The following LINGO2 variants were observed in gnomAD, a reference collection of about 807,000 sequenced individuals.
LINGO2 encodes leucine rich repeat and Ig domain containing 2.
A neutral mutation model predicts 30.6 loss-of-function variants in LINGO2; 14 were observed. That is an observed-to-expected ratio of 0.46 (90% CI 0.30 to 0.72). LINGO2 has a LOEUF of 0.72. Ranked by LOEUF, LINGO2 falls within the 30% of genes least tolerant of loss-of-function variation. The pLI is 0.07. For synonymous variants in LINGO2, 317 were observed against 288.5 expected (o/e 1.10, Z -1.00); for missense variants, 729 against 751.7 (o/e 0.97, Z 0.35).
intron 3 of LINGO2, among the ~76,000 whole-genome samples, chr9:28,351,486 G>A (rs560485792): frequency 1.7e-3 from 261 of 151,280 alleles, no homozygotes; most frequent in African/African-American, 6.0e-3. Flanking sequence ...AATAACAGGA[G>A]CTGAAATTGT....
At chr9:28,848,112 ACAC>A in the LINGO2 span, among the ~76,000 whole-genome samples, 3 of 59,488 alleles carry the variant, frequency 5.0e-5, no homozygotes, top group South Asian at 4.8e-4. Flanking sequence ...GTATATATAC[ACAC>A]TATATATACA....
At chr9:28,890,184 GT>G in the LINGO2 span, among the ~76,000 whole-genome samples, 4 of 108,858 alleles carry the variant, frequency 3.7e-5, no homozygotes, top group Admixed American at 2.2e-4. Context: ...TTAACTACAG[GT>G]TTTCTTGGTT....
chr9:28,908,048 T>C, the LINGO2 span, among the ~76,000 whole-genome samples: 1 of 151,792 alleles, frequency 6.6e-6, no homozygotes, highest in Admixed American at 6.6e-5. Context: ...TATTTAGGTA[T>C]AATTCTGGCT....
intron 4 of LINGO2, among the ~76,000 whole-genome samples, chr9:28,267,017 G>A (rs1287796367): frequency 6.6e-6 from 1 of 152,018 alleles, no homozygotes; most frequent in African/African-American, 2.4e-5. Flanking sequence ...GTTCCAGGGT[G>A]CAGGGAGAAA....
At chr9:28,803,623 A>G in the LINGO2 span, among the ~76,000 whole-genome samples, 2 of 151,968 alleles carry the variant, frequency 1.3e-5, no homozygotes, top group African/African-American at 2.4e-5. Flanking sequence ...TGAATTTCCT[A>G]AAGTAACATG....
the LINGO2 span, among the ~76,000 whole-genome samples, chr9:29,160,200 A>G: frequency 6.6e-6 from 1 of 152,210 alleles, no homozygotes; most frequent in Non-Finnish European, 1.5e-5. Context: ...CAGATCTTGC[A>G]GATACTGCTG....
chr9:28,970,415 C>G, the LINGO2 span, among the ~76,000 whole-genome samples: 1 of 152,100 alleles, frequency 6.6e-6, no homozygotes, highest in Non-Finnish European at 1.5e-5. Flanking sequence ...GCACCTTCAT[C>G]AGAACAAAAA....
intron 4 of LINGO2, among the ~76,000 whole-genome samples, chr9:28,055,397 AGGCTATTT>A (rs1256432992): frequency 6.6e-6 from 1 of 152,172 alleles, no homozygotes; most frequent in Admixed American, 6.6e-5. Context: ...CTGAATGGCC[AGGCTATTT>A]TAGCTATTGC....
At chr9:28,792,966 C>T in the LINGO2 span, among the ~76,000 whole-genome samples, 1 of 152,086 alleles carries the variant, frequency 6.6e-6, no homozygotes, top group African/African-American at 2.4e-5. Context: ...TGGAATTGTA[C>T]ATGTGGGCAA....
the LINGO2 span, among the ~76,000 whole-genome samples, chr9:29,166,201 C>A: frequency 2.0e-5 from 3 of 152,040 alleles, no homozygotes; most frequent in African/African-American, 7.2e-5. Context: ...AAAAATTCCA[C>A]TTTTTATATA....
intron 5 of LINGO2, among the ~76,000 whole-genome samples, chr9:27,999,512 G>C (rs16912226): frequency 6.6e-6 from 1 of 151,452 alleles, no homozygotes; most frequent in African/African-American, 2.4e-5. Flanking sequence ...TGCTTATGTA[G>C]GGAGTGTGAT....
At chr9:28,611,656 G>A (rs1418983292) in intron 1 of LINGO2, among the ~76,000 whole-genome samples, 1 of 151,550 alleles carries the variant, frequency 6.6e-6, no homozygotes, top group East Asian at 2.0e-4. Flanking sequence ...TTCTATTCCT[G>A]GATTCCTTCA....
chr9:28,897,058 A>T, the LINGO2 span, among the ~76,000 whole-genome samples: 29 of 152,130 alleles, frequency 1.9e-4, no homozygotes, highest in Non-Finnish European at 3.7e-4. Context: ...GTTTCCATGG[A>T]AAAAAGGAAG....
the LINGO2 span, among the ~76,000 whole-genome samples, chr9:28,918,097 G>C: frequency 8.8e-5 from 13 of 148,504 alleles, no homozygotes; most frequent in Non-Finnish European, 3.0e-5. Context: ...TGCTGATAAA[G>C]ACATATCCGA....
chr9:28,189,269 GAGGA>G (rs1295926267), intron 4 of LINGO2, among the ~76,000 whole-genome samples: 6 of 52,950 alleles, frequency 1.1e-4, no homozygotes, highest in Non-Finnish European at 1.7e-4. Flanking sequence ...GGAAGGGAGG[GAGGA>G]AGGGAGGGAG....
the LINGO2 span, among the ~76,000 whole-genome samples, chr9:28,728,126 T>C: frequency 5.1e-4 from 77 of 152,040 alleles, no homozygotes; most frequent in Non-Finnish European, 9.4e-4. Flanking sequence ...TTTAAAGAAG[T>C]GTAGTTCAGG....
the LINGO2 span, among the ~76,000 whole-genome samples, chr9:28,849,378 T>C: frequency 1.3e-5 from 2 of 151,984 alleles, no homozygotes; most frequent in Non-Finnish European, 2.9e-5. Flanking sequence ...CCCAGAATAA[T>C]ATCATCTGTT....
At chr9:28,618,213 A>G (rs1385551847) in intron 1 of LINGO2, among the ~76,000 whole-genome samples, 1 of 151,980 alleles carries the variant, frequency 6.6e-6, no homozygotes. Context: ...CCCAACCCCA[A>G]CCTGGTCTTC....
the LINGO2 span, chr9:27,937,765 T>G: frequency 6.6e-6 from 1 of 152,160 alleles, no homozygotes; most frequent in African/African-American, 2.4e-5. Flanking sequence ...AACTGACAGT[T>G]TTGAAGGACA....
Sources: gnomAD v4.1 joint callset for allele counts (sites outside exome capture counted in the v4.1 genomes callset) on GRCh38, gnomAD v4.1.1 for gene constraint, MANE v1.5 for transcripts, NCBI Gene and HGNC (gene_info 2026-07-23, HGNC 2026-07-21) for gene names.